The following CACNA1I variants were observed in gnomAD, a reference collection of about 807,000 sequenced individuals.
CACNA1I encodes the protein calcium voltage-gated channel subunit alpha1 I, also known as voltage-dependent T-type calcium channel subunit alpha-1I.
A neutral mutation model predicts 201.6 loss-of-function variants in CACNA1I; 74 were observed. That is an observed-to-expected ratio of 0.37 (90% CI 0.30 to 0.45). The LOEUF (loss-of-function observed/expected upper bound fraction) is 0.45. Among genes scored for constraint, CACNA1I ranks in the 20% least tolerant of loss-of-function variants. The pLI is 1.00. For synonymous variants in CACNA1I, 1,431 were observed against 1,345.2 expected (o/e 1.06, Z -1.40); for missense variants, 2,346 against 3,138.1 (o/e 0.75, Z 6.03).
intron 5 of CACNA1I, among the ~76,000 whole-genome samples, chr22:39,638,902 C>G (rs1173056823): frequency 6.6e-6 from 1 of 152,172 alleles, no homozygotes; most frequent in African/African-American, 2.4e-5. Context: ...GTGAAGTTCA[C>G]AATAGGGTTC....
chr22:39,614,462 C>G (rs1232685877), intron 3 of CACNA1I, among the ~76,000 whole-genome samples: 1 of 152,226 alleles, frequency 6.6e-6, no homozygotes, highest in Non-Finnish European at 1.5e-5. Flanking sequence ...CTTGCTTCAG[C>G]CTTCCTTTGT....
intron 4 of CACNA1I, among the ~76,000 whole-genome samples, chr22:39,630,674 G>T (rs1024617525): frequency 6.6e-6 from 1 of 152,238 alleles, no homozygotes; most frequent in African/African-American, 2.4e-5. Context: ...GATGGAGGGC[G>T]GGTGGGCAGC....
At chr22:39,644,573 C>T (rs867892079) in intron 7 of CACNA1I, among the ~76,000 whole-genome samples, 2 of 152,312 alleles carry the variant, frequency 1.3e-5, no homozygotes, top group African/African-American at 4.8e-5. Flanking sequence ...GACAAATGCA[C>T]TGCTATGTCA....
chr22:39,589,801 C>T (rs1443922422), intron 1 of CACNA1I, among the ~76,000 whole-genome samples: 1 of 152,216 alleles, frequency 6.6e-6, no homozygotes, highest in East Asian at 1.9e-4. Flanking sequence ...GGTGTAGGTG[C>T]TGGTCCACCT....
At chr22:39,647,273 G>T (rs532053265) in intron 8 of CACNA1I, among the ~76,000 whole-genome samples, 9 of 152,322 alleles carry the variant, frequency 5.9e-5, no homozygotes, top group African/African-American at 2.2e-4. Context: ...GGTTCCTGCT[G>T]CTGTCCCCTG....
At chr22:39,574,122 C>G (rs1932269221) in intron 1 of CACNA1I, among the ~76,000 whole-genome samples, 1 of 152,206 alleles carries the variant, frequency 6.6e-6, no homozygotes, top group Non-Finnish European at 1.5e-5. Context: ...CTGGGACACT[C>G]AGACTGAAAA....
chr22:39,600,056 C>G (rs927218107), intron 2 of CACNA1I, among the ~76,000 whole-genome samples: 1 of 152,326 alleles, frequency 6.6e-6, no homozygotes, highest in African/African-American at 2.4e-5. Flanking sequence ...TGCCACTTAT[C>G]TGCTGTGTGA....
At chr22:39,605,253 T>A (rs1933186344) in intron 3 of CACNA1I, among the ~76,000 whole-genome samples, 1 of 152,164 alleles carries the variant, frequency 6.6e-6, no homozygotes, top group Non-Finnish European at 1.5e-5. Context: ...AGTTAGAAGG[T>A]TCCTTAGAGG....
intron 5 of CACNA1I, among the ~76,000 whole-genome samples, chr22:39,640,653 G>C (rs2146419295): frequency 6.6e-6 from 1 of 152,298 alleles, no homozygotes; most frequent in Non-Finnish European, 1.5e-5. Flanking sequence ...GCACAGTGAG[G>C]CTCCCCAGAG....
chr22:39,584,246 T>C (rs1372803513), intron 1 of CACNA1I, among the ~76,000 whole-genome samples: 1 of 151,606 alleles, frequency 6.6e-6, no homozygotes, highest in Admixed American at 6.6e-5. Flanking sequence ...ATCTCCGAGA[T>C]AGATGTGGGG....
chr22:39,625,654 T>C (rs1933880015), intron 4 of CACNA1I, among the ~76,000 whole-genome samples: 1 of 151,708 alleles, frequency 6.6e-6, no homozygotes, highest in Admixed American at 6.6e-5. Flanking sequence ...TTCAGGCCAC[T>C]CAGCCTCTGA....
rs941353094 is a variant in CACNA1I at position 39,629,193 on chromosome 22, C to G, written c.581-5372C>G. ...CTTTCAGTGCTGTCTAGAGACCGTC[C>G]TCACCCTGGTGCTCCACATGACGCT... is the stretch of plus-strand genomic sequence containing the variant. On this transcript the variant is annotated intron_variant, in intron 4 of 36. Coordinates refer to ENST00000402142, the MANE Select transcript of CACNA1I (RefSeq NM_021096.4). The surrounding 1 kb of genome is among the most constrained non-coding windows in gnomAD (Gnocchi z 4.8). Among the ~76,000 whole-genome samples, 2 of 152,172 alleles carry G rather than the reference C, an allele frequency of 1.3e-5. No individual in the cohort carries two copies. The highest frequency in any genetic ancestry group is 4.8e-5 in the African/African-American group (2 of 41,434).
chr22:39,601,906 C>T (rs1400636432), intron 3 of CACNA1I, among the ~76,000 whole-genome samples: 9 of 30,256 alleles, frequency 3.0e-4, no homozygotes, highest in African/African-American at 4.2e-4. Flanking sequence ...TCCCTCCCTC[C>T]CTCCCTCCCT....
chr22:39,658,328 C>A (rs1232437199), intron 11 of CACNA1I, 25 bp downstream of exon 11: 1 of 1,608,744 alleles, frequency 6.2e-7, no homozygotes, highest in Non-Finnish European at 8.5e-7. Context: ...ACCCACCCGG[C>A]AGCAGAGTGC....
intron 1 of CACNA1I, among the ~76,000 whole-genome samples, chr22:39,578,745 G>A (rs73422194): frequency 0.014 from 2,075 of 152,226 alleles, 56 homozygotes; most frequent in African/African-American, 0.048. Flanking sequence ...CCTGGGAATC[G>A]GCTAACTGAG....
At chr22:39,580,838 A>G (rs1244173466) in intron 1 of CACNA1I, among the ~76,000 whole-genome samples, 2 of 152,216 alleles carry the variant, frequency 1.3e-5, no homozygotes, top group Non-Finnish European at 2.9e-5. Context: ...AGGCCCCTAC[A>G]ATGGATACCG....
chr22:39,583,374 ATCCATC>A (rs1190358116), intron 1 of CACNA1I, among the ~76,000 whole-genome samples: 344 of 4,718 alleles, frequency 0.073, 3 homozygotes, highest in African/African-American at 0.15. Context: ...CTATCCATCC[ATCCATC>A]CATCCATCCA....
rs2146429464 is a variant in CACNA1I, at chr22:39,648,643, T to G, written c.1567+717T>G. ...AGGCATCTGGAGGCAAGTGTGGAAA[T>G]GAAGGGTAGGCGTGACATGCTTTTC... On this transcript the variant is annotated intron_variant, in intron 9 of 36. Coordinates refer to ENST00000402142, the MANE Select transcript of CACNA1I (RefSeq NM_021096.4). This position sits in a 1 kb window ranked among gnomAD's most constrained non-coding sequence, Gnocchi z 5.4. 6.6e-6 allele frequency among the ~76,000 whole-genome samples: 1 copy of G among 152,228 alleles called. No individual in the cohort carries two copies. The highest frequency in any genetic ancestry group is 2.4e-5 in the African/African-American group (1 of 41,518).
chr22:39,682,506 A>C lies in CACNA1I; in HGVS notation c.5675A>C (p.Asp1892Ala). 1 of 1,613,306 alleles carries C rather than the reference A, an allele frequency of 6.2e-7. No homozygotes were observed. Among genetic ancestry groups the C allele is most frequent in the Non-Finnish European group, 8.5e-7 (1 of 1,179,688 alleles). ...TCCCTTTCCTTGCAGGGTGAGCTGG[A>C]CCCACCTGAGCCCATGCGTGTGGGA... ...PGRKDSKGEL[D>A]PPEPMRVGDL... The change falls in exon 35 of 37, where the codon GAC becomes GCC. Residue 1892 changes from aspartate (D) to alanine (A), a missense_variant. Coordinates refer to ENST00000402142, the MANE Select transcript of CACNA1I (RefSeq NM_021096.4).
Sources: allele counts gnomAD v4.1 joint callset (sites outside exome capture counted in the v4.1 genomes callset), GRCh38; gene constraint gnomAD v4.1.1; non-coding constraint Gnocchi (gnomAD v3.1); transcripts MANE v1.5; gene names NCBI Gene and HGNC (gene_info 2026-07-23, HGNC 2026-07-21).